LRFN5: variants seen among roughly 807,000 people sequenced by gnomAD.
LRFN5 encodes the protein leucine rich repeat and fibronectin type III domain containing 5, also known as leucine-rich repeat and fibronectin type-III domain-containing protein 5.
LRFN5 carries 24 observed loss-of-function variants against 45.6 expected under a neutral mutation model. That is an observed-to-expected ratio of 0.53 (90% CI 0.38 to 0.74). The LOEUF is 0.74. Among genes scored for constraint, LRFN5 ranks in the 30% least tolerant of loss-of-function variants. The pLI, the probability that LRFN5 is intolerant of heterozygous loss-of-function variation, is 0.00. For synonymous variants in LRFN5, 340 were observed against 313.8 expected (o/e 1.08, Z -0.88); for missense variants, 776 against 861.5 (o/e 0.90, Z 1.24).
intron 1 of LRFN5, among the ~76,000 whole-genome samples, chr14:41,705,797 G>A (rs1883039940): frequency 6.6e-6 from 1 of 152,174 alleles, no homozygotes; most frequent in Non-Finnish European, 1.5e-5. Context: ...TACAATATCT[G>A]TTTTTCTTTT....
intron 2 of LRFN5, among the ~76,000 whole-genome samples, chr14:41,803,413 A>G (rs12884531): frequency 0.15 from 22,781 of 151,790 alleles, 1,849 homozygotes; most frequent in Non-Finnish European, 0.18. Context: ...AGGCAGTGGT[A>G]TGATCATACC....
chr14:41,845,775 C>T (rs927314516), intron 2 of LRFN5, among the ~76,000 whole-genome samples: 5 of 152,130 alleles, frequency 3.3e-5, no homozygotes, highest in Non-Finnish European at 5.9e-5. Context: ...TAAAATAGCT[C>T]ATATGCATAT....
intron 2 of LRFN5, among the ~76,000 whole-genome samples, chr14:41,824,324 G>C (rs529463093): frequency 2.2e-4 from 33 of 152,184 alleles, no homozygotes; most frequent in African/African-American, 8.0e-4. Flanking sequence ...CTTTTGGTCA[G>C]TTGGTTCCTC....
chr14:41,892,415 G>C, intron 4 of LRFN5: 1 of 984,932 alleles, frequency 1.0e-6, no homozygotes, highest in Non-Finnish European at 1.2e-6. Context: ...CCCTATTCTA[G>C]GACCAACTCC....
intron 1 of LRFN5, among the ~76,000 whole-genome samples, chr14:41,711,764 C>T (rs989975810): frequency 5.3e-5 from 8 of 152,178 alleles, no homozygotes; most frequent in South Asian, 2.1e-4. Flanking sequence ...CATAAAAAAA[C>T]GCATTATGAA....
At chr14:41,741,267 G>A (rs61992390) in intron 1 of LRFN5, among the ~76,000 whole-genome samples, 25,309 of 151,600 alleles carry the variant, frequency 0.17, 2,341 homozygotes, top group Admixed American at 0.2. Context: ...CAAAAAGAAT[G>A]AAGTAGGAGG....
intron 1 of LRFN5, among the ~76,000 whole-genome samples, chr14:41,650,211 TAGTG>T (rs1880028916): frequency 2.2e-5 from 3 of 134,802 alleles, no homozygotes; most frequent in Non-Finnish European, 4.7e-5. Flanking sequence ...CTGGCCAACA[TAGTG>T]AAACCCTGTA....
chr14:41,887,725 C>T lies in LRFN5; in HGVS notation c.1100C>T (p.Thr367Ile). 1.2e-6 allele frequency: 2 copies of T among 1,614,046 alleles called. No individual in the cohort carries two copies. Among genetic ancestry groups the T allele is most frequent in the Non-Finnish European group, 1.7e-6 (2 of 1,180,028 alleles). ...GCTTCCAATCCTGCTGGGGAAGCAA[C>T]ACAAATAGTGGATCTTCATATAATT... is the stretch of plus-strand genomic sequence containing the variant. ...CIASNPAGEA[T>I]QIVDLHIIKL... is the part of the protein sequence containing the mutation. Residue 367 changes from threonine (T) to isoleucine (I), a missense_variant, in exon 3 of 6, where the codon ACA becomes ATA. Thr to Ile is a moderately conservative substitution (Grantham distance 89). This residue lies in a region of LRFN5 where 465 missense variants were observed against 456.4 expected (regional missense o/e 1.02). Coordinates refer to ENST00000298119, the MANE Select transcript of LRFN5 (RefSeq NM_152447.5). This position sits in a 1 kb window ranked among gnomAD's most constrained non-coding sequence, Gnocchi z 4.8.
chr14:41,644,847 A>AAAG (rs1879738213), intron 1 of LRFN5, among the ~76,000 whole-genome samples: 1 of 152,208 alleles, frequency 6.6e-6, no homozygotes, highest in South Asian at 2.1e-4. Context: ...TCTCTTCTGC[A>AAAG]AAGAACACAA....
chr14:41,702,241 C>G (rs548977216), intron 1 of LRFN5, among the ~76,000 whole-genome samples: 1 of 152,070 alleles, frequency 6.6e-6, no homozygotes, highest in African/African-American at 2.4e-5. Flanking sequence ...ATGAGGACAC[C>G]AAGACTCAGA....
chr14:41,888,044 A>G (rs376375698), intron 3 of LRFN5, 34 bp downstream of exon 3: 21 of 1,493,396 alleles, frequency 1.4e-5, no homozygotes, highest in African/African-American at 9.8e-5. Context: ...TATACTTACC[A>G]TGCATCTTAG....
At chr14:41,774,297 T>C (rs1049205949) in intron 2 of LRFN5, among the ~76,000 whole-genome samples, 2 of 152,160 alleles carry the variant, frequency 1.3e-5, no homozygotes, top group Non-Finnish European at 2.9e-5. Flanking sequence ...GATCTCCATA[T>C]ACCACTACAG....
chr14:41,803,140 A>T (rs1171066238), intron 2 of LRFN5, among the ~76,000 whole-genome samples: 6 of 152,290 alleles, frequency 3.9e-5, no homozygotes, highest in African/African-American at 1.4e-4. Context: ...ATGTGTAAAA[A>T]TCAGATAAGT....
chr14:41,854,033 G>C (rs1394570863), intron 2 of LRFN5, among the ~76,000 whole-genome samples: 2 of 152,100 alleles, frequency 1.3e-5, no homozygotes, highest in East Asian at 3.9e-4. Flanking sequence ...GGGCAGGTAA[G>C]GTACAAAAGA....
intron 2 of LRFN5, among the ~76,000 whole-genome samples, chr14:41,827,998 T>C (rs1215101999): frequency 1.3e-5 from 2 of 152,084 alleles, no homozygotes; most frequent in African/African-American, 2.4e-5. Context: ...TTGTCCTTAA[T>C]GTTGAGCATT....
At chr14:41,857,501 A>C (rs1889511297) in intron 2 of LRFN5, among the ~76,000 whole-genome samples, 1 of 152,312 alleles carries the variant, frequency 6.6e-6, no homozygotes, top group South Asian at 2.1e-4. Flanking sequence ...ACCTTCAAGT[A>C]AGCAAGGTTA....
chr14:41,755,027 G>A (rs1308488327), intron 1 of LRFN5, among the ~76,000 whole-genome samples: 1 of 152,124 alleles, frequency 6.6e-6, no homozygotes, highest in Non-Finnish European at 1.5e-5. Context: ...TATGTACCCG[G>A]TAGTCATTCA....
intron 2 of LRFN5, among the ~76,000 whole-genome samples, chr14:41,826,742 C>A (rs753500317): frequency 2.6e-5 from 4 of 152,090 alleles, no homozygotes; most frequent in Non-Finnish European, 5.9e-5. Flanking sequence ...AGTGCCTACT[C>A]ACATGCCTCT....
chr14:41,614,514 A>G (rs1485902464), intron 1 of LRFN5, among the ~76,000 whole-genome samples: 1 of 152,138 alleles, frequency 6.6e-6, no homozygotes, highest in Non-Finnish European at 1.5e-5. Flanking sequence ...ACAAATTAAT[A>G]AGCTTGAAAG....
Sources: allele counts gnomAD v4.1 joint callset (sites outside exome capture counted in the v4.1 genomes callset), GRCh38; gene constraint gnomAD v4.1.1; regional missense constraint gnomAD v4.1.1; non-coding constraint Gnocchi (gnomAD v3.1); transcripts MANE v1.5; gene names NCBI Gene and HGNC (gene_info 2026-07-23, HGNC 2026-07-21).